The following CADPS variants were observed in gnomAD, a reference collection of about 807,000 sequenced individuals.
CADPS encodes the protein calcium-dependent secretion activator 1.
CADPS carries 57 observed loss-of-function variants against 167.3 expected under a neutral mutation model. That is an observed-to-expected ratio of 0.34 (90% CI 0.28 to 0.42). The LOEUF is 0.42. CADPS is among the 20% of genes least tolerant of loss of function. CADPS has a pLI of 1.00. For synonymous variants in CADPS, 676 were observed against 635.3 expected, an observed-to-expected ratio of 1.06 and a Z score of -0.96; for missense variants, 1,414 against 1,738.1, an observed-to-expected ratio of 0.81 and a Z score of 3.32.
chr3:62,614,986 T>A (rs1246870896), intron 6 of CADPS, among the ~76,000 whole-genome samples: 1 of 152,190 alleles, frequency 6.6e-6, no homozygotes, highest in Non-Finnish European at 1.5e-5. Context: ...CAGATACCAT[T>A]GAGAGCTCTC....
chr3:62,451,275 T>C (rs967102172), intron 26 of CADPS, among the ~76,000 whole-genome samples: 2 of 152,160 alleles, frequency 1.3e-5, no homozygotes, highest in African/African-American at 4.8e-5. Context: ...CTCACCATTC[T>C]GGGGTTTTCA....
intron 3 of CADPS, among the ~76,000 whole-genome samples, chr3:62,678,155 C>A (rs2076610834): frequency 6.6e-6 from 1 of 151,984 alleles, no homozygotes; most frequent in South Asian, 2.1e-4. Flanking sequence ...CTGTTGCTTG[C>A]AGGGAAAGGG....
intron 3 of CADPS, among the ~76,000 whole-genome samples, chr3:62,684,223 T>C (rs2077598394): frequency 6.6e-6 from 1 of 152,104 alleles, no homozygotes; most frequent in Non-Finnish European, 1.5e-5. Context: ...CTTAGGAAAG[T>C]TTATTTTATA....
intron 26 of CADPS, among the ~76,000 whole-genome samples, chr3:62,448,140 G>T (rs1689514523): frequency 6.6e-6 from 1 of 152,124 alleles, no homozygotes; most frequent in Non-Finnish European, 1.5e-5. Flanking sequence ...TGGAACTCTT[G>T]ATCTCCTCAA....
intron 2 of CADPS, among the ~76,000 whole-genome samples, chr3:62,760,804 A>T (rs2152469991): frequency 6.6e-6 from 1 of 152,340 alleles, no homozygotes; most frequent in African/African-American, 2.4e-5. Context: ...AAAAAAGTTC[A>T]ACCATAATAA....
At chr3:62,440,418 T>C (rs1179897901) in intron 27 of CADPS, 3 of 152,060 alleles carry the variant, frequency 2.0e-5, no homozygotes, top group Non-Finnish European at 2.9e-5. Context: ...CGGACTGTTA[T>C]GGTCATCAGC....
chr3:62,759,396 T>C (rs1425981881), intron 2 of CADPS, among the ~76,000 whole-genome samples: 1 of 152,170 alleles, frequency 6.6e-6, no homozygotes, highest in Non-Finnish European at 1.5e-5. Context: ...AAAAGATATA[T>C]ATTTTTTCAT....
At chr3:62,512,605 A>T (rs2068085189) in intron 17 of CADPS, 146 bp downstream of exon 17, 1 of 522,340 alleles carries the variant, frequency 1.9e-6, no homozygotes, top group African/African-American at 1.9e-5. Flanking sequence ...GTATTTAGAC[A>T]GCACAAATTA....
At chr3:62,575,543 G>C (rs891847047) in intron 8 of CADPS, among the ~76,000 whole-genome samples, 2 of 152,304 alleles carry the variant, frequency 1.3e-5, no homozygotes, top group Admixed American at 1.3e-4. Flanking sequence ...GTAAATACTT[G>C]CTATTAGATA....
chr3:62,445,726 AC>A (rs10708769), intron 27 of CADPS, 38 bp downstream of exon 27: 72,661 of 1,181,966 alleles, frequency 0.061, 2,813 homozygotes, highest in Non-Finnish European at 0.065. Context: ...AAAAAAAAAA[AC>A]AAAAAAACCC....
chr3:62,777,429 A>G (rs139785766), intron 1 of CADPS, among the ~76,000 whole-genome samples: 257 of 152,322 alleles, frequency 1.7e-3, no homozygotes, highest in African/African-American at 5.6e-3. Flanking sequence ...TGTTCTAACA[A>G]TCGCCATTCA....
In CADPS at chr3:62,484,701, G is replaced by A. The variant is rs1227370713; in HGVS notation, c.3027-2832C>T. On this transcript the variant is annotated intron_variant, in intron 21 of 29. Transcript: ENST00000383710. ...TGTGTGCACGTCTCATCATTTCTATGGATAGAAATGAGTGGAGGTGAAGTC... is the reference window on the plus strand; with the variant it reads ...TGTGTGCACGTCTCATCATTTCTATAGATAGAAATGAGTGGAGGTGAAGTC... Among the ~76,000 whole-genome samples the A allele has an allele frequency of 3.9e-5, 6 of 152,188 alleles. No individual in the cohort carries two copies. In the East Asian group the frequency reaches 1.2e-3, roughly 29 times the overall value.
chr3:62,604,473 A>T (rs984541932), intron 6 of CADPS, among the ~76,000 whole-genome samples: 32 of 152,234 alleles, frequency 2.1e-4, no homozygotes, highest in Admixed American at 1.6e-3. Context: ...TTGAAATCCT[A>T]TTCAGCTGTG....
chr3:62,840,320 A>T (rs2076464055), intron 1 of CADPS, among the ~76,000 whole-genome samples: 2 of 152,182 alleles, frequency 1.3e-5, no homozygotes, highest in African/African-American at 4.8e-5. Context: ...CAAATCCGAC[A>T]TCATACTATT....
At chr3:62,567,677 C>A (rs1189768565) in intron 9 of CADPS, among the ~76,000 whole-genome samples, 2 of 137,612 alleles carry the variant, frequency 1.5e-5, no homozygotes, top group Non-Finnish European at 3.1e-5. Flanking sequence ...TGGGTTCAAG[C>A]AATTCTCCTG....
At chr3:62,617,907 C>T (rs1209387709) in intron 6 of CADPS, among the ~76,000 whole-genome samples, 1 of 152,076 alleles carries the variant, frequency 6.6e-6, no homozygotes, top group Non-Finnish European at 1.5e-5. Flanking sequence ...CGTCCTTGCC[C>T]CTGCTTTTGG....
intron 7 of CADPS, among the ~76,000 whole-genome samples, chr3:62,588,691 G>A (rs191564820): frequency 6.6e-5 from 10 of 152,218 alleles, no homozygotes; most frequent in Non-Finnish European, 1.3e-4. Context: ...TATAGCCAAA[G>A]ATGAAATAAT....
At chr3:62,743,255 G>A (rs969279165) in intron 3 of CADPS, among the ~76,000 whole-genome samples, 19 of 152,094 alleles carry the variant, frequency 1.2e-4, no homozygotes, top group African/African-American at 4.3e-4. Context: ...TAATTTAGGG[G>A]TTAACAAACT....
At chr3:62,630,745 T>C (rs764999877) in intron 6 of CADPS, among the ~76,000 whole-genome samples, 3 of 152,174 alleles carry the variant, frequency 2.0e-5, no homozygotes, top group African/African-American at 2.4e-5. Context: ...ACCTGTGATT[T>C]GTACTTTGGG....
Sources: allele counts gnomAD v4.1 joint callset (sites outside exome capture counted in the v4.1 genomes callset), GRCh38; gene constraint gnomAD v4.1.1; transcripts MANE v1.5; gene names NCBI Gene and HGNC (gene_info 2026-07-23, HGNC 2026-07-21).